Variants in KIAA0319 observed in about 807,000 individuals in gnomAD.
KIAA0319 encodes the protein dyslexia-associated protein KIAA0319.
A neutral mutation model predicts 108.4 loss-of-function variants in KIAA0319; 83 were observed. That is an observed-to-expected ratio of 0.77 (90% CI 0.64 to 0.92). KIAA0319 has a LOEUF of 0.92. KIAA0319 is among the 40% of genes least tolerant of loss of function. The probability of loss-of-function intolerance (pLI) is 0.00; values close to 1 mark genes in which losing one functional copy is unlikely to be tolerated. For missense variants in KIAA0319, 1,195 were observed against 1,322.4 expected, an observed-to-expected ratio of 0.90 and a Z score of 1.49; for synonymous variants, 484 against 510.4, an observed-to-expected ratio of 0.95 and a Z score of 0.70.
downstream of KIAA0319, among the ~76,000 whole-genome samples, chr6:24,542,351 C>T (rs1760223271): frequency 6.6e-6 from 1 of 152,180 alleles, no homozygotes; most frequent in Admixed American, 6.5e-5. Flanking sequence ...TTTATCTCAA[C>T]AAAATTATGT....
rs1286881938 is a variant in KIAA0319, at chr6:24,630,582, T to C, written c.-106+15154A>G. ...AATTACATTAAAAAATTAGTCATTA[T>C]AAATTGTACATTCCTAGAAAAAAAT... On this transcript the variant is annotated intron_variant, in intron 1 of 20. Transcript: ENST00000378214. 2.3e-5 allele frequency among the ~76,000 whole-genome samples: 3 copies of C among 131,004 alleles called. No homozygotes were observed. In the Admixed American group the frequency reaches 2.4e-4, roughly 11 times the overall value. The allele number at this position is 131,004 out of a possible 152,430, so 85.9% of individuals were successfully genotyped here.
At chr6:24,637,644 T>A (rs1776373956) in intron 1 of KIAA0319, among the ~76,000 whole-genome samples, 2 of 152,214 alleles carry the variant, frequency 1.3e-5, no homozygotes, top group African/African-American at 4.8e-5. Flanking sequence ...TAATGTTTTT[T>A]ATTTCCATTT....
At chr6:24,614,569 A>C (rs1772875713) in intron 1 of KIAA0319, among the ~76,000 whole-genome samples, 2 of 152,216 alleles carry the variant, frequency 1.3e-5, no homozygotes, top group Non-Finnish European at 2.9e-5. Context: ...AAAAACAATT[A>C]AATATTACTG....
intron 19 of KIAA0319, among the ~76,000 whole-genome samples, chr6:24,552,915 G>GT (rs1247367965): frequency 6.6e-6 from 1 of 152,006 alleles, no homozygotes; most frequent in Non-Finnish European, 1.5e-5. Context: ...TAAAATATAC[G>GT]TTTTTTAAAA....
chr6:24,610,165 T>C (rs1404546744), intron 1 of KIAA0319, among the ~76,000 whole-genome samples: 3 of 152,190 alleles, frequency 2.0e-5, no homozygotes, highest in Non-Finnish European at 4.4e-5. Context: ...CAGAATGGGA[T>C]GAAATTTTTG....
intron 1 of KIAA0319, among the ~76,000 whole-genome samples, chr6:24,612,944 G>T (rs1430656903): frequency 6.6e-6 from 1 of 152,024 alleles, no homozygotes. Context: ...GACTACAGGC[G>T]CCCGCCACCA....
chr6:24,547,401 A>T, intron 20 of KIAA0319, 58 bp from the exon 21 acceptor site: 1 of 1,495,514 alleles, frequency 6.7e-7, no homozygotes, highest in Non-Finnish European at 9.2e-7. Flanking sequence ...TCCAGCTGTC[A>T]GTCGTTGTGG....
intron 4 of KIAA0319, among the ~76,000 whole-genome samples, chr6:24,585,000 A>C (rs759715273): frequency 2.0e-5 from 3 of 152,218 alleles, no homozygotes; most frequent in African/African-American, 4.8e-5. Flanking sequence ...AAGTAAATAC[A>C]AAAGTTAGAG....
At chr6:24,551,069 C>T (rs1761412100) in intron 20 of KIAA0319, among the ~76,000 whole-genome samples, 1 of 152,162 alleles carries the variant, frequency 6.6e-6, no homozygotes. Context: ...ACCTCCACCT[C>T]CCAGTCTCAA....
chr6:24,616,370 T>TA (rs975045863), intron 1 of KIAA0319, among the ~76,000 whole-genome samples: 116 of 152,304 alleles, frequency 7.6e-4, no homozygotes, highest in South Asian at 4.6e-3. Flanking sequence ...TTATTATATA[T>TA]TTTTTTGAGA....
At chr6:24,598,194 T>TG in intron 2 of KIAA0319, 1 of 478,266 alleles carries the variant, frequency 2.1e-6, no homozygotes, top group Non-Finnish European at 3.9e-6. Context: ...GTGGAGGCTA[T>TG]GGCGGGACCA....
rs75257187 is a variant in KIAA0319, at chr6:24,551,312, T to C, written c.3040+122A>G. 4.5e-4 allele frequency: 321 copies of C among 710,672 alleles called. 3 individuals are homozygous for C. The African/African-American group carries it at 5.2e-3, about 12-fold the overall frequency. The allele number at this position is 710,672 out of a possible 1,614,324, so 44.0% of individuals were successfully genotyped here. ...TCATCACAGAATCCCAGCCTCACTC[T>C]TCCTTCCCAATTAAAGTGCTGACTC... On this transcript the variant is annotated intron_variant, in intron 20 of 20. Coordinates refer to ENST00000378214, the MANE Select transcript of KIAA0319 (RefSeq NM_014809.4).
chr6:24,605,130 C>T (rs1369288974), intron 1 of KIAA0319, among the ~76,000 whole-genome samples: 2 of 152,254 alleles, frequency 1.3e-5, no homozygotes, highest in Non-Finnish European at 2.9e-5. Context: ...CATGAGCCAC[C>T]ATGCCCGGCC....
intron 14 of KIAA0319, among the ~76,000 whole-genome samples, 197 bp downstream of exon 14, chr6:24,566,400 G>A (rs1013191735): frequency 6.6e-6 from 1 of 152,200 alleles, no homozygotes; most frequent in Admixed American, 6.5e-5. Context: ...AGACCTCACT[G>A]GAAACTGAAT....
chr6:24,642,590 C>T (rs1777112829), intron 1 of KIAA0319, among the ~76,000 whole-genome samples: 1 of 152,210 alleles, frequency 6.6e-6, no homozygotes, highest in East Asian at 1.9e-4. Flanking sequence ...ATTTACCCTC[C>T]ATGCTTATAT....
At chr6:24,598,449 G>A in intron 2 of KIAA0319, 1 of 552,898 alleles carries the variant, frequency 1.8e-6, no homozygotes, top group South Asian at 1.5e-5. Context: ...TGGACTGCAT[G>A]TTCAAGAGCT....
chr6:24,547,346 A>G lies in KIAA0319; in HGVS notation c.3041-3T>C. 1.2e-6 allele frequency: 2 copies of G among 1,613,262 alleles called. No individual in the cohort carries two copies. The highest frequency in any genetic ancestry group is 1.7e-6 in the Non-Finnish European group (2 of 1,179,366). The stretch of plus-strand genomic sequence containing the variant: ...CTCTGTGCTTCGGTGCTTGATACCT[A>G]GAGAGAAGCACAGAAGCATCTGAGG... On this transcript the variant is annotated splice_region_variant and splice_polypyrimidine_tract_variant and intron_variant, in intron 20 of 20. Transcript: ENST00000378214.
intron 1 of KIAA0319, among the ~76,000 whole-genome samples, chr6:24,621,095 T>C (rs905388520): frequency 6.6e-6 from 1 of 152,356 alleles, no homozygotes; most frequent in Middle Eastern, 3.4e-3. Context: ...CCTTCCATTA[T>C]GTTTCCACAA....
intron 16 of KIAA0319, among the ~76,000 whole-genome samples, chr6:24,560,218 C>T (rs1235880293): frequency 6.6e-6 from 1 of 151,994 alleles, no homozygotes; most frequent in East Asian, 1.9e-4. Flanking sequence ...GAGTATATAC[C>T]TAGGAGTGGA....
Sources: allele counts gnomAD v4.1 joint callset (sites outside exome capture counted in the v4.1 genomes callset), GRCh38; gene constraint gnomAD v4.1.1; transcripts MANE v1.5; gene names NCBI Gene and HGNC (gene_info 2026-07-23, HGNC 2026-07-21).